The following NCKAP1 variants were observed in gnomAD, a reference collection of about 807,000 sequenced individuals.
NCKAP1 encodes nck-associated protein 1.
Under a neutral mutation model 151.2 loss-of-function variants are expected in NCKAP1, and 21 were observed. That is an observed-to-expected ratio of 0.14 (90% confidence interval 0.10 to 0.20). NCKAP1 has a LOEUF of 0.20. Ranked by LOEUF, NCKAP1 falls within the 10% of genes least tolerant of loss-of-function variation. NCKAP1 has a pLI of 1.00. For synonymous variants in NCKAP1, 484 were observed against 451.8 expected (o/e 1.07, Z -0.90); for missense variants, 933 against 1,352.1 (o/e 0.69, Z 4.86).
chr2:182,982,784 T>A, intron 12 of NCKAP1, 37 bp downstream of exon 12: 1 of 1,369,360 alleles, frequency 7.3e-7, no homozygotes, highest in South Asian at 1.3e-5. Context: ...GAAGCATCTA[T>A]ATACAGAAAA....
chr2:182,969,716 T>C (rs557989023), intron 15 of NCKAP1, among the ~76,000 whole-genome samples: 2 of 152,006 alleles, frequency 1.3e-5, no homozygotes, highest in Non-Finnish European at 2.9e-5. Flanking sequence ...AATAACCTAA[T>C]AATGTACCTT....
intron 15 of NCKAP1, among the ~76,000 whole-genome samples, chr2:182,971,401 A>T (rs866067946): frequency 0.018 from 2,741 of 150,346 alleles, 84 homozygotes; most frequent in African/African-American, 0.059. Flanking sequence ...CTCAAAAAAA[A>T]AAAAAAAAAA....
intron 15 of NCKAP1, among the ~76,000 whole-genome samples, chr2:182,975,156 CT>C (rs34996728): frequency 1.3e-5 from 2 of 151,916 alleles, no homozygotes; most frequent in East Asian, 1.9e-4. Flanking sequence ...AATTCCACTT[CT>C]TTTTTTTACA....
chr2:183,014,956 T>G (rs911285723), intron 2 of NCKAP1, among the ~76,000 whole-genome samples: 1 of 152,196 alleles, frequency 6.6e-6, no homozygotes, highest in African/African-American at 2.4e-5. Flanking sequence ...GCTGAAAAAC[T>G]ATCACTTACA....
chr2:182,927,770 T>A (rs549566305), intron 29 of NCKAP1, among the ~76,000 whole-genome samples: 2 of 151,940 alleles, frequency 1.3e-5, no homozygotes, highest in South Asian at 4.1e-4. Flanking sequence ...CTTTCAAGCC[T>A]AGGAAAATTT....
chr2:182,910,141 A>C lies in NCKAP1; in HGVS notation c.*15561T>G, dbSNP rs4389291. The C allele has an allele frequency of 0.76, 116,022 of 152,170 alleles. 48,103 individuals are homozygous for C. The highest frequency in any genetic ancestry group is 0.96 in the East Asian group (4,972 of 5,174). The allele number at this position is 152,170 out of a possible 1,614,324, so 9.4% of individuals were successfully genotyped here. ...GGTTCAGACTCTACTATCTTGGAGG[A>C]CTGCAGGTGCCCTGGTAGCCAAAAG... On this transcript the variant is annotated 3_prime_UTR_variant, in exon 31 of 31. Coordinates refer to ENST00000361354, the MANE Select transcript of NCKAP1 (RefSeq NM_013436.5).
intron 4 of NCKAP1, 120 bp from the exon 5 acceptor site, chr2:183,002,389 C>T (rs1698390694): frequency 1.4e-6 from 1 of 693,834 alleles, no homozygotes; most frequent in Non-Finnish European, 2.2e-6. Flanking sequence ...TATCCCTGTT[C>T]TAAAATGCTA....
At chr2:183,029,302 C>A (rs964494308) in intron 1 of NCKAP1, among the ~76,000 whole-genome samples, 1 of 152,070 alleles carries the variant, frequency 6.6e-6, no homozygotes, top group Non-Finnish European at 1.5e-5. Context: ...AGACCCTATG[C>A]CATTTTAAAG....
At chr2:183,002,070 T>G in intron 5 of NCKAP1, 27 bp from the exon 6 acceptor site, 6 of 1,612,230 alleles carry the variant, frequency 3.7e-6, no homozygotes, top group South Asian at 1.1e-5. Flanking sequence ...CAAATTTCAA[T>G]GAGTTGTAAT....
intron 1 of NCKAP1, among the ~76,000 whole-genome samples, chr2:183,037,671 G>A (rs1699129548): frequency 6.6e-6 from 1 of 152,180 alleles, no homozygotes; most frequent in Non-Finnish European, 1.5e-5. Flanking sequence ...CCCCATCATG[G>A]GGGCGGGGGC....
intron 25 of NCKAP1, 150 bp downstream of exon 25, chr2:182,935,143 T>G (rs1696847718): frequency 1.5e-6 from 1 of 646,238 alleles, no homozygotes; most frequent in African/African-American, 1.9e-5. Flanking sequence ...CTTAAATAAC[T>G]AATTTTATGT....
Position 182,917,854 on chromosome 2 carries a change from G to A in NCKAP1, c.*7848C>T, listed in dbSNP as rs1435057655. The A allele has an allele frequency of 6.6e-6, 1 of 152,146 alleles. No homozygotes were observed. The highest frequency in any genetic ancestry group is 1.5e-5 in the Non-Finnish European group (1 of 68,026). The allele number at this position is 152,146 out of a possible 1,614,324, so 9.4% of individuals were successfully genotyped here. On this transcript the variant is annotated 3_prime_UTR_variant, in exon 31 of 31. Transcript: ENST00000361354. ...ATAAGACAGCCTAGGAAAGAAATCT[G>A]ATTTACTAGAGATTAATCTGAGCAG...
intron 23 of NCKAP1, among the ~76,000 whole-genome samples, chr2:182,951,934 C>CA (rs1449961238): frequency 6.6e-6 from 1 of 152,052 alleles, no homozygotes; most frequent in Non-Finnish European, 1.5e-5. Context: ...ATTAAGCATT[C>CA]TGAAGGCATT....
chr2:182,946,227 G>A (rs1253274961), intron 23 of NCKAP1, among the ~76,000 whole-genome samples: 8 of 152,016 alleles, frequency 5.3e-5, no homozygotes, highest in Admixed American at 5.2e-4. Flanking sequence ...GTGAAACCCC[G>A]TCTCTACTAA....
At chr2:182,976,380 G>T (rs1236223463) in intron 15 of NCKAP1, among the ~76,000 whole-genome samples, 1 of 152,136 alleles carries the variant, frequency 6.6e-6, no homozygotes, top group Non-Finnish European at 1.5e-5. Context: ...TGGCCTGTGG[G>T]CTACCTGCTT....
chr2:182,974,547 A>T (rs1303955384), intron 15 of NCKAP1, among the ~76,000 whole-genome samples: 1 of 152,176 alleles, frequency 6.6e-6, no homozygotes. Context: ...AAGAGGAAAA[A>T]TGAAGTGAAG....
chr2:182,955,424 G>GT (rs1697304529), intron 20 of NCKAP1, among the ~76,000 whole-genome samples: 1 of 152,112 alleles, frequency 6.6e-6, no homozygotes, highest in African/African-American at 2.4e-5. Context: ...AAATAAGGAT[G>GT]TAACTTCAGA....
chr2:183,038,173 C>A lies in NCKAP1; in HGVS notation c.-74G>T. 1 of 1,071,240 alleles carries A rather than the reference C, an allele frequency of 9.3e-7. No homozygotes were observed. Among genetic ancestry groups the A allele is most frequent in the Non-Finnish European group, 1.3e-6 (1 of 781,680 alleles). The allele number at this position is 1,071,240 out of a possible 1,614,324, so 66.4% of individuals were successfully genotyped here. ...GGGCCCGCGGCCTTCGCAGCAGCCTCTCTCGGGCCTCCTCCCCTCCCGCCC... is the reference window on the plus strand; with the variant it reads ...GGGCCCGCGGCCTTCGCAGCAGCCTATCTCGGGCCTCCTCCCCTCCCGCCC... On this transcript the variant is annotated 5_prime_UTR_variant, in exon 1 of 31. Transcript: ENST00000361354.
chr2:182,982,767 A>G, intron 12 of NCKAP1, 54 bp downstream of exon 12: 2 of 1,201,726 alleles, frequency 1.7e-6, no homozygotes, highest in Admixed American at 4.9e-5. Flanking sequence ...ACCCCATTGT[A>G]AATCAAGAAG....
Sources: allele counts gnomAD v4.1 joint callset (sites outside exome capture counted in the v4.1 genomes callset), GRCh38; gene constraint gnomAD v4.1.1; transcripts MANE v1.5; gene names NCBI Gene and HGNC (gene_info 2026-07-23, HGNC 2026-07-21).